The following CCNY variants were observed in gnomAD, a reference collection of about 807,000 sequenced individuals.
CCNY encodes the protein cyclin-Y.
In CCNY, 19 loss-of-function variants were observed where a neutral mutation model predicts 42.8. That is an observed-to-expected ratio of 0.44 (90% CI 0.31 to 0.65). CCNY has a LOEUF of 0.65. Ranked by LOEUF, CCNY falls within the 30% of genes least tolerant of loss-of-function variation. The probability of loss-of-function intolerance (pLI) is 0.07; values close to 1 mark genes in which losing one functional copy is unlikely to be tolerated. For missense variants in CCNY, 370 were observed against 437.3 expected (o/e 0.85, Z 1.37); for synonymous variants, 165 against 162.7 (o/e 1.01, Z -0.11).
intron 7 of CCNY, among the ~76,000 whole-genome samples, chr10:35,536,854 C>G (rs1840896519): frequency 6.6e-6 from 1 of 152,150 alleles, no homozygotes; most frequent in South Asian, 2.1e-4. Flanking sequence ...AATTTGCAGC[C>G]TGACAGTCTG....
At chr10:35,515,085 T>C (rs1840401016) in intron 3 of CCNY, among the ~76,000 whole-genome samples, 1 of 152,238 alleles carries the variant, frequency 6.6e-6, no homozygotes, top group Admixed American at 6.5e-5. Context: ...AAATGCCATG[T>C]GAAAACTGAC....
chr10:35,424,082 G>A (rs766040384), intron 1 of CCNY, among the ~76,000 whole-genome samples: 2 of 152,104 alleles, frequency 1.3e-5, no homozygotes, highest in African/African-American at 4.8e-5. Flanking sequence ...GTGGACTCTC[G>A]GAGCCTCGTT....
intron 3 of CCNY, among the ~76,000 whole-genome samples, chr10:35,292,775 G>GTTTTT (rs1835428320): frequency 1.7e-5 from 2 of 116,336 alleles, no homozygotes; most frequent in Non-Finnish European, 3.7e-5. Context: ...AGAGTGCTTT[G>GTTTTT]TTTTTGTTTT....
upstream of CCNY, among the ~76,000 whole-genome samples, chr10:35,332,888 A>C (rs1268274147): frequency 1.3e-5 from 2 of 152,026 alleles, no homozygotes; most frequent in Non-Finnish European, 2.9e-5. Context: ...ACAGGTGTGA[A>C]CCACCGCGCC....
At chr10:35,546,661 A>G (rs1048978514) in intron 7 of CCNY, among the ~76,000 whole-genome samples, 4 of 152,184 alleles carry the variant, frequency 2.6e-5, no homozygotes, top group Non-Finnish European at 4.4e-5. Context: ...TTATCTCCCA[A>G]TATAGCAACT....
intron 1 of CCNY, among the ~76,000 whole-genome samples, chr10:35,366,997 C>T (rs961285263): frequency 2.0e-5 from 3 of 152,166 alleles, no homozygotes; most frequent in Non-Finnish European, 2.9e-5. Context: ...CAGACATTTA[C>T]AGTATAACTG....
chr10:35,257,165 G>A (rs1287842314), intron 3 of CCNY, among the ~76,000 whole-genome samples: 2 of 151,840 alleles, frequency 1.3e-5, no homozygotes, highest in East Asian at 1.9e-4. Context: ...TTATTGTGGG[G>A]CAGGTCTAGT....
intron 7 of CCNY, 42 bp from the exon 8 acceptor site, chr10:35,552,977 G>A (rs1429971507): frequency 1.1e-5 from 18 of 1,590,262 alleles, no homozygotes; most frequent in Non-Finnish European, 1.6e-5. Flanking sequence ...GTGTTTAGGA[G>A]AAAACAAATC....
chr10:35,350,227 AT>A (rs2135136073), intron 1 of CCNY, among the ~76,000 whole-genome samples: 1 of 152,222 alleles, frequency 6.6e-6, no homozygotes, highest in South Asian at 2.1e-4. Flanking sequence ...TTTAACTCAG[AT>A]TCATAATTCA....
intron 7 of CCNY, among the ~76,000 whole-genome samples, chr10:35,551,000 G>A (rs1219676971): frequency 6.6e-6 from 1 of 152,138 alleles, no homozygotes; most frequent in Non-Finnish European, 1.5e-5. Context: ...GACATTTCAA[G>A]ACAGAAAGCG....
chr10:35,470,224 G>C (rs1839363671), intron 1 of CCNY, among the ~76,000 whole-genome samples: 1 of 151,694 alleles, frequency 6.6e-6, no homozygotes, highest in Non-Finnish European at 1.5e-5. Flanking sequence ...GAGTTGGAGA[G>C]ACAGACAGGG....
At chr10:35,516,661 C>CT (rs35268084) in intron 4 of CCNY, 38 bp downstream of exon 4, 35,480 of 321,592 alleles carry the variant, frequency 0.11, 1,756 homozygotes, top group Admixed American at 0.12. Context: ...TCCTTCCTTC[C>CT]TTTTTTTTTT....
At chr10:35,300,313 T>C (rs999151045) in intron 3 of CCNY, among the ~76,000 whole-genome samples, 5 of 152,112 alleles carry the variant, frequency 3.3e-5, no homozygotes, top group Non-Finnish European at 7.4e-5. Context: ...CTGCCTGAGA[T>C]GCCACGCCCT....
chr10:35,339,908 C>A (rs1440585828), intron 1 of CCNY, among the ~76,000 whole-genome samples: 1 of 152,056 alleles, frequency 6.6e-6, no homozygotes, highest in Non-Finnish European at 1.5e-5. Flanking sequence ...GGTATTATTT[C>A]TTATAAAATC....
At chr10:35,341,923 G>A (rs548679240) in intron 1 of CCNY, among the ~76,000 whole-genome samples, 4 of 152,092 alleles carry the variant, frequency 2.6e-5, no homozygotes, top group Admixed American at 2.6e-4. Context: ...CTTTAGCTGT[G>A]GCCTTACATC....
chr10:35,360,984 ATG>A (rs1836671936), intron 1 of CCNY, among the ~76,000 whole-genome samples: 1 of 151,778 alleles, frequency 6.6e-6, no homozygotes, highest in Non-Finnish European at 1.5e-5. Flanking sequence ...CCTCAGCCTC[ATG>A]AGTAGCTGAG....
Position 35,342,795 on chromosome 10 carries a change from A to G in CCNY, c.154+5588A>G, listed in dbSNP as rs3003973. ...TTTGCGGAAGGTTCCTCAGTTTGTT[A>G]GTGGCAGCTGGGGTTCGGTCTGCTG... On this transcript the variant is annotated intron_variant, in intron 1 of 9. Transcript: ENST00000374704. Among the ~76,000 whole-genome samples, 1,069 of 152,250 alleles carry G rather than the reference A, an allele frequency of 7.0e-3. 17 individuals carry two copies. Among genetic ancestry groups the G allele is most frequent in the African/African-American group, 0.025 (1,023 of 41,536 alleles).
At chr10:35,491,693 A>G (rs1839900277) in intron 2 of CCNY, among the ~76,000 whole-genome samples, 2 of 152,054 alleles carry the variant, frequency 1.3e-5, no homozygotes, top group African/African-American at 2.4e-5. Context: ...GGCTCACTGC[A>G]TGCTCTGCCT....
rs1840255205 is a variant in CCNY, at chr10:35,508,278, C to CCA, written c.264+6743_264+6744insCA. ...ATCCAGCCATTTTCAGTACAGATTC[C>CCA]TGGATTTCTGCTTTTCTAATGATAC... is the stretch of plus-strand genomic sequence containing the variant. On this transcript the variant is annotated intron_variant, in intron 3 of 9. Transcript: ENST00000374704. Among the ~76,000 whole-genome samples the CCA allele has an allele frequency of 2.0e-5, 3 of 152,274 alleles. No homozygotes were observed. The South Asian group carries it at 6.2e-4, about 32-fold the overall frequency.
Sources: gnomAD v4.1 joint callset for allele counts (sites outside exome capture counted in the v4.1 genomes callset) on GRCh38, gnomAD v4.1.1 for gene constraint, MANE v1.5 for transcripts, NCBI Gene and HGNC (gene_info 2026-07-23, HGNC 2026-07-21) for gene names.